GXYLT1: variants seen among roughly 807,000 people sequenced by gnomAD.
GXYLT1 encodes the protein glycosyltransferase 8 domain containing 3.
A neutral mutation model predicts 54.0 loss-of-function variants in GXYLT1; 29 were observed. The ratio of observed to expected loss-of-function variants is 0.54; its 90% CI spans 0.40 to 0.73. The LOEUF (loss-of-function observed/expected upper bound fraction) is 0.73, where lower values mean the gene tolerates loss of function less well. GXYLT1 is among the 30% of genes least tolerant of loss of function. The pLI is 0.00. For synonymous variants in GXYLT1, 176 were observed against 204.1 expected (o/e 0.86, Z 1.17); for missense variants, 490 against 553.4 (o/e 0.89, Z 1.15).
At chr12:42,114,350 T>C (rs1023746035) in intron 3 of GXYLT1, among the ~76,000 whole-genome samples, 9 of 152,210 alleles carry the variant, frequency 5.9e-5, no homozygotes, top group Non-Finnish European at 8.8e-5. Context: ...AGCTGGTTTT[T>C]TGAAAAGATC....
At chr12:42,136,356 A>C (rs1168156243) in intron 1 of GXYLT1, among the ~76,000 whole-genome samples, 1 of 152,218 alleles carries the variant, frequency 6.6e-6, no homozygotes, top group Non-Finnish European at 1.5e-5. Flanking sequence ...CAGAATATTA[A>C]ACATCCAACA....
chr12:42,114,507 C>A (rs1038832706), intron 3 of GXYLT1, among the ~76,000 whole-genome samples: 16 of 152,096 alleles, frequency 1.1e-4, no homozygotes, highest in African/African-American at 3.9e-4. Context: ...AAGACCTCTA[C>A]GCAAATAAAC....
intron 1 of GXYLT1, among the ~76,000 whole-genome samples, 200 bp downstream of exon 1, chr12:42,144,226 G>C (rs2065666841): frequency 6.6e-6 from 1 of 152,218 alleles, no homozygotes; most frequent in Non-Finnish European, 1.5e-5. Flanking sequence ...GATAAACACA[G>C]AAAGTGTAGG....
At chr12:42,129,898 T>C (rs745426716) in intron 1 of GXYLT1, 47 bp from the exon 2 acceptor site, 1 of 1,255,998 alleles carries the variant, frequency 8.0e-7, no homozygotes, top group Non-Finnish European at 1.2e-6. Context: ...GTATTTTGGT[T>C]TGGAACTAAC....
intron 2 of GXYLT1, among the ~76,000 whole-genome samples, chr12:42,121,775 A>G (rs560283392): frequency 3.9e-5 from 6 of 152,146 alleles, no homozygotes; most frequent in African/African-American, 1.2e-4. Context: ...GAGTACTGTC[A>G]ACTACATCAC....
chr12:42,091,970 T>C (rs1251722054), intron 7 of GXYLT1, among the ~76,000 whole-genome samples: 4 of 152,156 alleles, frequency 2.6e-5, no homozygotes, highest in Admixed American at 6.5e-5. Flanking sequence ...TCTCAGGCAG[T>C]TGTCAGCCCA....
Position 42,097,937 on chromosome 12 carries a change from A to G in GXYLT1, c.961T>C (p.Leu321=). The G allele has an allele frequency of 3.1e-6, 5 of 1,598,690 alleles. No individual in the cohort carries two copies. Among genetic ancestry groups the G allele is most frequent in the South Asian group, 1.1e-5 (1 of 89,002 alleles). Residue 321 remains leucine, a synonymous_variant, in exon 6 of 8, where the codon TTG becomes CTG. Transcript: ENST00000398675. The part of the protein sequence containing the change: ...LNITWGDQDL[L]NIVFFHNPES... ...GGATTATGAAAAAACACGATATTCA[A>G]TAGATCTTGATCACCCCATGTGATG...
intron 3 of GXYLT1, among the ~76,000 whole-genome samples, chr12:42,114,796 A>G (rs530269794): frequency 2.3e-4 from 35 of 152,210 alleles, no homozygotes; most frequent in African/African-American, 7.9e-4. Flanking sequence ...CAGCATCATC[A>G]TGATACCAAA....
chr12:42,144,512 C>T lies in GXYLT1; in HGVS notation c.135G>A (p.Val45=), dbSNP rs1360191860. 25 of 1,419,218 alleles carry T rather than the reference C, an allele frequency of 1.8e-5. No homozygotes were observed. Among genetic ancestry groups the T allele is most frequent in the Non-Finnish European group, 2.3e-5 (25 of 1,083,782 alleles). The allele number at this position is 1,419,218 out of a possible 1,614,324, so 87.9% of individuals were successfully genotyped here. A position where few individuals can be genotyped will look rare whatever the true frequency, so the allele number is the denominator to read the frequency against. The stretch of plus-strand genomic sequence containing the variant: ...GTCCGCCGCCCGCGAGCCAGGAAGC[C>T]ACCGCGGCCTGCGGCTTCCCGCCAC... ...GGGGGKPQAA[V]ASWLAGGGRG... The change falls in exon 1 of 8, where the codon GTG becomes GTA. Residue 45 remains valine, a synonymous_variant. Coordinates refer to ENST00000398675, the MANE Select transcript of GXYLT1 (RefSeq NM_173601.2).
In GXYLT1 at chr12:42,144,779, G is replaced by T; in HGVS notation, c.-133C>A. 1 of 577,030 alleles carries T rather than the reference G, an allele frequency of 1.7e-6. No individual in the cohort carries two copies. The highest frequency in any genetic ancestry group is 2.6e-6 in the Non-Finnish European group (1 of 384,586). The allele number at this position is 577,030 out of a possible 1,614,324, so 35.7% of individuals were successfully genotyped here. On this transcript the variant is annotated 5_prime_UTR_variant, in exon 1 of 8. Coordinates refer to ENST00000398675, the MANE Select transcript of GXYLT1 (RefSeq NM_173601.2). ...CAGCCGCCGCCGCCGCCTTGCGCCC[G>T]CTCCCTTCCTTCCCTCCCCGCCCAC...
At chr12:42,128,232 CGAAGA>C (rs1211612000) in intron 2 of GXYLT1, among the ~76,000 whole-genome samples, 1 of 151,460 alleles carries the variant, frequency 6.6e-6, no homozygotes, top group African/African-American at 2.4e-5. Flanking sequence ...TTCAAAACTG[CGAAGA>C]GAATAGGTTT....
intron 1 of GXYLT1, among the ~76,000 whole-genome samples, chr12:42,133,347 G>A (rs933452627): frequency 1.4e-4 from 21 of 152,170 alleles, no homozygotes; most frequent in African/African-American, 4.8e-4. Flanking sequence ...TGGGCTCTGT[G>A]ATTGCTTTGA....
intron 1 of GXYLT1, among the ~76,000 whole-genome samples, chr12:42,130,812 TG>T (rs113700609): frequency 6.6e-6 from 1 of 152,232 alleles, no homozygotes; most frequent in African/African-American, 2.4e-5. Flanking sequence ...CTGGACATGG[TG>T]GCATTTACCT....
At chr12:42,106,824 CA>C (rs1430570862) in intron 4 of GXYLT1, among the ~76,000 whole-genome samples, 5 of 149,302 alleles carry the variant, frequency 3.3e-5, no homozygotes, top group African/African-American at 5.0e-5. Context: ...CAACTCACTG[CA>C]ACCTCTACCT....
chr12:42,139,617 G>C (rs542984330), intron 1 of GXYLT1, among the ~76,000 whole-genome samples: 1 of 152,296 alleles, frequency 6.6e-6, no homozygotes, highest in Admixed American at 6.5e-5. Flanking sequence ...CTCCAGAACT[G>C]TAAGAAATAA....
At chr12:42,109,445 C>A in intron 4 of GXYLT1, 121 bp downstream of exon 4, 2 of 664,002 alleles carry the variant, frequency 3.0e-6, no homozygotes. Context: ...GCATTGATTT[C>A]TATTTACTAA....
At chr12:42,125,129 T>C (rs149092749) in intron 2 of GXYLT1, among the ~76,000 whole-genome samples, 29 of 152,170 alleles carry the variant, frequency 1.9e-4, no homozygotes, top group African/African-American at 6.5e-4. Context: ...ACTATAATTG[T>C]TTGGGAAATG....
At position 42,144,690 on chromosome 12, in the gene GXYLT1, C is replaced by CG. The variant is rs776823816; in HGVS notation, c.-45_-44insC. The CG allele has an allele frequency of 2.1e-4, 288 of 1,363,460 alleles. No homozygotes were observed. The highest frequency in any genetic ancestry group is 3.7e-4 in the South Asian group (24 of 65,236). The allele number at this position is 1,363,460 out of a possible 1,614,324, so 84.5% of individuals were successfully genotyped here. ...CCTTCGCCGCCGCCGCCGCGCCCGC[C>CG]CCGACGAACTGGAGCGGAGGGAGGG... On this transcript the variant is annotated 5_prime_UTR_variant, in exon 1 of 8. Coordinates refer to ENST00000398675, the MANE Select transcript of GXYLT1 (RefSeq NM_173601.2).
chr12:42,135,931 C>A (rs2065617175), intron 1 of GXYLT1, among the ~76,000 whole-genome samples: 1 of 152,076 alleles, frequency 6.6e-6, no homozygotes, highest in South Asian at 2.1e-4. Context: ...GATCATAATT[C>A]AATGTCAAAA....
Sources: allele counts gnomAD v4.1 joint callset (sites outside exome capture counted in the v4.1 genomes callset), GRCh38; gene constraint gnomAD v4.1.1; transcripts MANE v1.5; gene names NCBI Gene and HGNC (gene_info 2026-07-23, HGNC 2026-07-21).